The following MYO16 variants were observed in gnomAD, a reference collection of about 807,000 sequenced individuals.
MYO16 encodes the protein myosin XVI, also known as unconventional myosin-XVI.
MYO16 carries 94 observed loss-of-function variants against 205.3 expected under a neutral mutation model. That is an observed-to-expected ratio of 0.46 (90% CI 0.39 to 0.54). The LOEUF (loss-of-function observed/expected upper bound fraction) is 0.54. MYO16 is among the 20% of genes least tolerant of loss of function. The pLI, the probability that MYO16 is intolerant of heterozygous loss-of-function variation, is 0.00. For synonymous variants in MYO16, 988 were observed against 954.0 expected, an observed-to-expected ratio of 1.04 and a Z score of -0.66; for missense variants, 2,315 against 2,387.5, an observed-to-expected ratio of 0.97 and a Z score of 0.63.
intron 10 of MYO16, among the ~76,000 whole-genome samples, chr13:108,853,954 T>TTGTGTGTGTGTGTGTGTGTG (rs5806760): frequency 5.8e-5 from 8 of 138,500 alleles, no homozygotes; most frequent in East Asian, 2.2e-4. Flanking sequence ...GTTTCTATTA[T>TTGTGTGTGTGTGTGTGTGTG]TGTGTGTGTG....
At chr13:109,198,172 T>C (rs1398336569) in intron 34 of MYO16, among the ~76,000 whole-genome samples, 2 of 142,674 alleles carry the variant, frequency 1.4e-5, no homozygotes, top group East Asian at 1.9e-4. Flanking sequence ...ATAAATAAAA[T>C]ACAAAGACAT....
chr13:108,616,923 C>G (rs554860711), intron 1 of MYO16, among the ~76,000 whole-genome samples: 3 of 152,058 alleles, frequency 2.0e-5, no homozygotes, highest in African/African-American at 7.2e-5. Context: ...GGGCTTGAAA[C>G]CTGCGAATGG....
chr13:109,080,505 A>G (rs2139668632), intron 27 of MYO16, among the ~76,000 whole-genome samples: 1 of 152,200 alleles, frequency 6.6e-6, no homozygotes, highest in South Asian at 2.1e-4. Context: ...AGGAGCTTTA[A>G]TGACCACATG....
intron 28 of MYO16, among the ~76,000 whole-genome samples, chr13:109,105,275 A>G (rs1485870361): frequency 2.0e-5 from 3 of 152,252 alleles, no homozygotes; most frequent in Non-Finnish European, 1.5e-5. Flanking sequence ...GTTCAAGACC[A>G]GTCTGGCCAA....
chr13:108,911,433 A>G (rs981131230), intron 16 of MYO16, among the ~76,000 whole-genome samples: 6 of 152,134 alleles, frequency 3.9e-5, no homozygotes, highest in African/African-American at 1.4e-4. Flanking sequence ...TAGAGACACC[A>G]GAGAGGGCCG....
chr13:108,580,664 C>G, the MYO16 span, among the ~76,000 whole-genome samples: 4,072 of 152,232 alleles, frequency 0.027, 172 homozygotes, highest in African/African-American at 0.091. Flanking sequence ...TTTGGGACTA[C>G]AGGAGAGTGC....
At position 109,159,203 on chromosome 13, in the gene MYO16, A is replaced by T. The variant is rs74119874; in HGVS notation, c.5165-5698A>T. On this transcript the variant is annotated intron_variant, in intron 32 of 34. Coordinates refer to ENST00000457511, the MANE Select transcript of MYO16 (RefSeq NM_001198950.3). ...CAAACAGCTCCACTCCATTGCATAAAAGAAAATATTCACCTCATGCAATGA... is the reference window on the plus strand; with the variant it reads ...CAAACAGCTCCACTCCATTGCATAATAGAAAATATTCACCTCATGCAATGA... Among the ~76,000 whole-genome samples the T allele has an allele frequency of 4.0e-3, 615 of 152,326 alleles. 3 individuals carry two copies. Among genetic ancestry groups the T allele is most frequent in the African/African-American group, 0.014 (591 of 41,574 alleles).
At chr13:108,826,650 A>C (rs1406217819) in intron 9 of MYO16, among the ~76,000 whole-genome samples, 2 of 152,088 alleles carry the variant, frequency 1.3e-5, no homozygotes, top group Non-Finnish European at 2.9e-5. Flanking sequence ...GCTATATCTA[A>C]CAAAATGTAA....
intron 2 of MYO16, among the ~76,000 whole-genome samples, chr13:108,701,030 T>C (rs929617328): frequency 2.0e-5 from 3 of 152,166 alleles, no homozygotes; most frequent in Admixed American, 1.3e-4. Flanking sequence ...GAGAGGTTTA[T>C]TGTTTCAAGC....
chr13:108,542,950 T>A, the MYO16 span, among the ~76,000 whole-genome samples: 4 of 151,948 alleles, frequency 2.6e-5, no homozygotes, highest in Non-Finnish European at 4.4e-5. Context: ...TACACAGTTA[T>A]GGTTTTTTAA....
At chr13:108,867,255 A>T (rs1878768764) in intron 12 of MYO16, among the ~76,000 whole-genome samples, 1 of 152,070 alleles carries the variant, frequency 6.6e-6, no homozygotes, top group Non-Finnish European at 1.5e-5. Context: ...GGTTACAGCT[A>T]CTCAGGAGGC....
rs183309011 is a variant in MYO16, at chr13:109,018,397, G to T, written c.2596-1314G>T. The stretch of plus-strand genomic sequence containing the variant: ...GGGTACCCAGCTGTATGAGGTGTCA[G>T]TCGGCCCCTACTGGGAGGTGTCTCC... On this transcript the variant is annotated intron_variant, in intron 22 of 34. Transcript: ENST00000457511. Among the ~76,000 whole-genome samples, 31 of 152,318 alleles carry T rather than the reference G, an allele frequency of 2.0e-4. No individual in the cohort carries two copies. In the East Asian group the frequency reaches 5.8e-3, roughly 28 times the overall value.
intron 10 of MYO16, chr13:108,855,175 C>A: frequency 3.2e-6 from 1 of 316,414 alleles, no homozygotes; most frequent in Non-Finnish European, 5.9e-6. Flanking sequence ...CTCATCTTGA[C>A]AGACCTAATG....
the MYO16 span, among the ~76,000 whole-genome samples, chr13:108,495,894 C>T: frequency 7.2e-5 from 11 of 152,056 alleles, no homozygotes; most frequent in African/African-American, 2.6e-4. Flanking sequence ...CGTCGCCTGG[C>T]GCCCGGCTCC....
intron 5 of MYO16, among the ~76,000 whole-genome samples, chr13:108,793,162 T>C (rs924712581): frequency 6.6e-6 from 1 of 151,484 alleles, no homozygotes; most frequent in Non-Finnish European, 1.5e-5. Flanking sequence ...GGCGGGCGCC[T>C]GTAGTCCCAG....
intron 3 of MYO16, among the ~76,000 whole-genome samples, chr13:108,725,694 G>A (rs912812181): frequency 5.9e-5 from 9 of 152,074 alleles, no homozygotes; most frequent in African/African-American, 2.2e-4. Flanking sequence ...GAGTGCAAGT[G>A]CTGATCATTA....
intron 16 of MYO16, among the ~76,000 whole-genome samples, chr13:108,923,639 C>T (rs559740985): frequency 5.9e-5 from 9 of 152,336 alleles, no homozygotes; most frequent in East Asian, 5.8e-4. Flanking sequence ...TGCCCCAATG[C>T]GGCCGGGGTG....
At chr13:109,080,011 G>A (rs140544283) in intron 27 of MYO16, among the ~76,000 whole-genome samples, 2 of 151,676 alleles carry the variant, frequency 1.3e-5, no homozygotes, top group South Asian at 2.1e-4. Context: ...GAGTAGCTAG[G>A]ATTACAGGTG....
chr13:109,009,480 C>T (rs1394209865), intron 22 of MYO16, among the ~76,000 whole-genome samples: 1 of 152,038 alleles, frequency 6.6e-6, no homozygotes, highest in Non-Finnish European at 1.5e-5. Context: ...AACATATAAA[C>T]ACATATATAA....
Sources: allele counts gnomAD v4.1 joint callset (sites outside exome capture counted in the v4.1 genomes callset), GRCh38; gene constraint gnomAD v4.1.1; transcripts MANE v1.5; gene names NCBI Gene and HGNC (gene_info 2026-07-23, HGNC 2026-07-21).